The following ITPK1 variants were observed in gnomAD, a reference collection of about 807,000 sequenced individuals.
ITPK1 encodes the protein inositol 1,3,4-trisphosphate 5/6-kinase.
ITPK1 carries 21 observed loss-of-function variants against 45.3 expected under a neutral mutation model. The ratio of observed to expected loss-of-function variants is 0.46; its 90% CI spans 0.33 to 0.67. ITPK1 has a LOEUF of 0.67. Ranked by LOEUF, ITPK1 falls within the 30% of genes least tolerant of loss-of-function variation. The probability of loss-of-function intolerance (pLI) is 0.02; values close to 1 mark genes in which losing one functional copy is unlikely to be tolerated. For missense variants in ITPK1, 474 were observed against 573.5 expected (o/e 0.83, Z 1.77); for synonymous variants, 258 against 253.6 (o/e 1.02, Z -0.16).
At chr14:93,065,732 G>C (rs1453977496) in intron 3 of ITPK1, among the ~76,000 whole-genome samples, 4 of 152,166 alleles carry the variant, frequency 2.6e-5, no homozygotes, top group Non-Finnish European at 5.9e-5. Flanking sequence ...AAAGATTTAG[G>C]TCCAGAGACA....
chr14:93,063,303 G>C lies in ITPK1; in HGVS notation c.120+13292C>G, dbSNP rs1566764343. 6.6e-6 allele frequency among the ~76,000 whole-genome samples: 1 copy of C among 152,192 alleles called. No individual in the cohort carries two copies. Among genetic ancestry groups the C allele is most frequent in the Non-Finnish European group, 1.5e-5 (1 of 68,042 alleles). The stretch of plus-strand genomic sequence containing the variant: ...CACACCCTCCTGCCCAGGGACCCCT[G>C]GTCCCCCACCCACCTGAGATGGCAG... On this transcript the variant is annotated intron_variant, in intron 3 of 10. Coordinates refer to ENST00000267615, the MANE Select transcript of ITPK1 (RefSeq NM_014216.6). This position sits in a 1 kb window ranked among gnomAD's most constrained non-coding sequence, Gnocchi z 4.3.
intron 4 of ITPK1, among the ~76,000 whole-genome samples, chr14:93,011,050 C>T (rs1887875301): frequency 6.6e-6 from 1 of 152,208 alleles, no homozygotes; most frequent in African/African-American, 2.4e-5. Flanking sequence ...AACAATAACC[C>T]TACAAGGTAT....
chr14:92,986,627 G>C (rs1378310606), intron 5 of ITPK1, among the ~76,000 whole-genome samples: 2 of 152,210 alleles, frequency 1.3e-5, no homozygotes, highest in Non-Finnish European at 2.9e-5. Context: ...GACCAAGTGG[G>C]GTATCTCGTC....
At chr14:93,051,299 G>A (rs1288471171) in intron 3 of ITPK1, among the ~76,000 whole-genome samples, 4 of 152,180 alleles carry the variant, frequency 2.6e-5, no homozygotes, top group Admixed American at 2.0e-4. Flanking sequence ...AATCTAACAT[G>A]CAGACCCCAG....
At position 93,083,355 on chromosome 14, in the gene ITPK1, C is replaced by T. The variant is rs556035438; in HGVS notation, c.96-6736G>A. 1.1e-4 allele frequency among the ~76,000 whole-genome samples: 16 copies of T among 152,170 alleles called. No homozygotes were observed. The South Asian group carries it at 1.7e-3, about 16-fold the overall frequency. On this transcript the variant is annotated intron_variant, in intron 2 of 10. Transcript: ENST00000267615. The stretch of plus-strand genomic sequence containing the variant: ...CGCTCGGGGTCTCAGCTTTCATATC[C>T]GTTAAAAGGATATGACCTTTCCCAC...
intron 10 of ITPK1, among the ~76,000 whole-genome samples, chr14:92,942,765 C>T (rs1484521263): frequency 6.6e-6 from 1 of 152,216 alleles, no homozygotes; most frequent in Admixed American, 6.5e-5. Flanking sequence ...AAGCAGGTTT[C>T]GGATCTCAGG....
intron 5 of ITPK1, 73 bp from the exon 6 acceptor site, chr14:92,962,922 GC>G: frequency 9.6e-7 from 1 of 1,038,668 alleles, no homozygotes; most frequent in Non-Finnish European, 1.4e-6. Context: ...GTGACAGCCC[GC>G]CCCACCCCAG....
At position 93,076,709 on chromosome 14, in the gene ITPK1, C is replaced by T. The variant is rs1891235946; in HGVS notation, c.96-90G>A. 2.6e-6 allele frequency: 4 copies of T among 1,519,946 alleles called. No individual in the cohort carries two copies. In the Admixed American group the frequency reaches 6.7e-5, roughly 25 times the overall value. The allele number at this position is 1,519,946 out of a possible 1,614,324, so 94.2% of individuals were successfully genotyped here. Reference sequence around the variant, plus strand: ...TCCCGACAGCCGGCTGAGGGCAGGACCATGAGAGGGTTTCAGGAGGGAGCC... The same window carrying T: ...TCCCGACAGCCGGCTGAGGGCAGGATCATGAGAGGGTTTCAGGAGGGAGCC... On this transcript the variant is annotated intron_variant, in intron 2 of 10. Coordinates refer to ENST00000267615, the MANE Select transcript of ITPK1 (RefSeq NM_014216.6). This position sits in a 1 kb window ranked among gnomAD's most constrained non-coding sequence, Gnocchi z 4.3.
intron 3 of ITPK1, among the ~76,000 whole-genome samples, chr14:93,050,240 G>A (rs1889949322): frequency 6.6e-6 from 1 of 152,210 alleles, no homozygotes; most frequent in South Asian, 2.1e-4. Context: ...TGCTGGTGCT[G>A]CCAGCCTGGA....
chr14:93,050,087 CA>C (rs1889941534), intron 3 of ITPK1, among the ~76,000 whole-genome samples: 3 of 152,188 alleles, frequency 2.0e-5, no homozygotes, highest in Admixed American at 6.5e-5. Flanking sequence ...AAACAAAGGC[CA>C]GGGGGCAGCA....
chr14:93,003,656 C>G (rs1295136606), intron 4 of ITPK1, among the ~76,000 whole-genome samples: 1 of 152,224 alleles, frequency 6.6e-6, no homozygotes, highest in Non-Finnish European at 1.5e-5. Context: ...ATTCACAAAG[C>G]CTACCACTGG....
chr14:92,950,512 C>T (rs1389767804), intron 9 of ITPK1, among the ~76,000 whole-genome samples: 2 of 152,244 alleles, frequency 1.3e-5, no homozygotes, highest in Non-Finnish European at 2.9e-5. Flanking sequence ...GAGGAGGTGA[C>T]TGCAGACCTC....
intron 5 of ITPK1, among the ~76,000 whole-genome samples, chr14:92,984,554 G>T (rs1413777669): frequency 6.6e-6 from 1 of 152,052 alleles, no homozygotes; most frequent in African/African-American, 2.4e-5. Context: ...ATTCAACACT[G>T]CCCCCAGACT....
intron 3 of ITPK1, among the ~76,000 whole-genome samples, chr14:93,044,447 G>A (rs189577338): frequency 2.6e-4 from 39 of 152,304 alleles, no homozygotes; most frequent in Admixed American, 1.2e-3. Flanking sequence ...AAATTAAACC[G>A]AAGCCTAGGC....
rs1034259735 is a variant in ITPK1 at position 93,076,282 on chromosome 14, G to A, written c.120+313C>T. Among the ~76,000 whole-genome samples the A allele has an allele frequency of 6.6e-6, 1 of 152,036 alleles. No individual in the cohort carries two copies. Among genetic ancestry groups the A allele is most frequent in the Non-Finnish European group, 1.5e-5 (1 of 68,008 alleles). ...AAGACAACTGGACATCTAGCTGGGT[G>A]CCTACTGCCCCCTCACCCTTCCCAC... On this transcript the variant is annotated intron_variant, in intron 3 of 10. Transcript: ENST00000267615. The surrounding 1 kb of genome is among the most constrained non-coding windows in gnomAD (Gnocchi z 4.3).
At chr14:93,062,008 C>T (rs1240850163) in intron 3 of ITPK1, among the ~76,000 whole-genome samples, 3 of 152,212 alleles carry the variant, frequency 2.0e-5, no homozygotes, top group Non-Finnish European at 4.4e-5. Flanking sequence ...TGGTGGCTCG[C>T]GCCTGTAATC....
intron 3 of ITPK1, among the ~76,000 whole-genome samples, chr14:93,030,553 T>C (rs1260121274): frequency 6.6e-6 from 1 of 152,256 alleles, no homozygotes; most frequent in Non-Finnish European, 1.5e-5. Context: ...GCCAGGTCCC[T>C]GTCCTCAGTG....
In ITPK1 at chr14:93,016,936, A is replaced by G; in HGVS notation, c.121-135T>C. 1 of 1,146,588 alleles carries G rather than the reference A, an allele frequency of 8.7e-7. No individual in the cohort carries two copies. Among genetic ancestry groups the G allele is most frequent in the Non-Finnish European group, 1.2e-6 (1 of 815,892 alleles). The allele number at this position is 1,146,588 out of a possible 1,614,324, so 71.0% of individuals were successfully genotyped here. On this transcript the variant is annotated intron_variant, in intron 3 of 10. Coordinates refer to ENST00000267615, the MANE Select transcript of ITPK1 (RefSeq NM_014216.6). The surrounding 1 kb of genome is among the most constrained non-coding windows in gnomAD (Gnocchi z 5.0). ...TGTAGCACTCTGGAGATGGGGCAGGAGGAGGGCTGACATGGAAAATACAGA... is the reference window on the plus strand; with the variant it reads ...TGTAGCACTCTGGAGATGGGGCAGGGGGAGGGCTGACATGGAAAATACAGA...
At chr14:93,067,132 T>A (rs1890790613) in intron 3 of ITPK1, among the ~76,000 whole-genome samples, 2 of 152,194 alleles carry the variant, frequency 1.3e-5, no homozygotes, top group Non-Finnish European at 2.9e-5. Flanking sequence ...AAAACCCCCG[T>A]TCCATCCCTT....
Sources: gnomAD v4.1 joint callset for allele counts (sites outside exome capture counted in the v4.1 genomes callset) on GRCh38, gnomAD v4.1.1 for gene constraint, Gnocchi (gnomAD v3.1) non-coding constraint, MANE v1.5 for transcripts, NCBI Gene and HGNC (gene_info 2026-07-23, HGNC 2026-07-21) for gene names.